The following ARHGEF37 variants were observed in gnomAD, a reference collection of about 807,000 sequenced individuals.
The protein encoded by ARHGEF37 is Rho guanine nucleotide exchange factor (GEF) 37.
Under a neutral mutation model 71.1 loss-of-function variants are expected in ARHGEF37, and 55 were observed. The observed-to-expected ratio is 0.77, with a 90% CI of 0.62 to 0.97. The LOEUF is 0.97. Ranked by LOEUF, ARHGEF37 falls within the 50% of genes least tolerant of loss-of-function variation. The probability of loss-of-function intolerance (pLI) is 0.00; values close to 1 mark genes in which losing one functional copy is unlikely to be tolerated. For missense variants in ARHGEF37, 765 were observed against 836.8 expected, an observed-to-expected ratio of 0.91 and a Z score of 1.06; for synonymous variants, 327 against 350.6, an observed-to-expected ratio of 0.93 and a Z score of 0.75.
chr5:149,569,094 A>G (rs1420716052), intron 1 of ARHGEF37, among the ~76,000 whole-genome samples: 1 of 151,846 alleles, frequency 6.6e-6, no homozygotes, highest in African/African-American at 2.4e-5. Context: ...TTTTTTTTGT[A>G]AAGTAGTACT....
chr5:149,581,260 T>C (rs942251048), upstream of ARHGEF37, among the ~76,000 whole-genome samples: 1 of 152,152 alleles, frequency 6.6e-6, no homozygotes, highest in African/African-American at 2.4e-5. Context: ...GGTGGCTTAA[T>C]GAGAGGCCGC....
At position 149,616,765 on chromosome 5, in the gene ARHGEF37, G is replaced by A. The variant is rs57292511; in HGVS notation, c.657G>A (p.Val219=). ...NINEYKMRKE[V]ASKYTKVEQL... Reference sequence around the variant, plus strand: ...ATGAGTACAAGATGCGCAAGGAAGTGGGTAAGGACTTGGGCATTTAAGGGG... The same window carrying A: ...ATGAGTACAAGATGCGCAAGGAAGTAGGTAAGGACTTGGGCATTTAAGGGG... Residue 219 remains valine, a splice_region_variant and synonymous_variant, in exon 5 of 13, where the codon GTG becomes GTA. Transcript: ENST00000333677. 0.013 allele frequency: 20,391 copies of A among 1,594,714 alleles called. 1,405 individuals carry two copies. The East Asian group carries it at 0.23, about 18-fold the overall frequency.
chr5:149,564,850 C>T (rs183084596), intron 1 of ARHGEF37, among the ~76,000 whole-genome samples: 2 of 152,276 alleles, frequency 1.3e-5, no homozygotes, highest in East Asian at 3.9e-4. Flanking sequence ...CCCAGACATC[C>T]TCTTAGTAGA....
intron 1 of ARHGEF37, among the ~76,000 whole-genome samples, chr5:149,564,264 G>A (rs554341714): frequency 2.3e-4 from 35 of 151,982 alleles, no homozygotes; most frequent in East Asian, 5.8e-4. Context: ...TTAGTCTTAC[G>A]TATGTTATCT....
rs1580946424 is a variant in ARHGEF37, at chr5:149,633,366, C to A, written c.*1175C>A. ...AAACCTTGTTCATCAGTATAGCTTTCTTTCCTGTAACCCAGGATCTACCTT... is the reference window on the plus strand; with the variant it reads ...AAACCTTGTTCATCAGTATAGCTTTATTTCCTGTAACCCAGGATCTACCTT... On this transcript the variant is annotated 3_prime_UTR_variant, in exon 13 of 13. Transcript: ENST00000333677. 6.6e-6 allele frequency: 1 copy of A among 152,286 alleles called. No homozygotes were observed. Among genetic ancestry groups the A allele is most frequent in the Non-Finnish European group, 1.5e-5 (1 of 68,056 alleles). 9.4% of individuals were successfully genotyped at this position (152,286 alleles called of 1,614,324 possible).
At chr5:149,578,351 T>C (rs1392312516), upstream of ARHGEF37, among the ~76,000 whole-genome samples, 1 of 152,202 alleles carries the variant, frequency 6.6e-6, no homozygotes, top group Non-Finnish European at 1.5e-5. Context: ...AATTTGCAAC[T>C]GGTCTAGGAG....
At chr5:149,618,794 C>G (rs1752450924) in intron 6 of ARHGEF37, 144 bp from the exon 7 acceptor site, 1 of 701,614 alleles carries the variant, frequency 1.4e-6, no homozygotes, top group African/African-American at 1.8e-5. Context: ...TGAGCTACAC[C>G]ACCCTCTCAG....
intron 1 of ARHGEF37, among the ~76,000 whole-genome samples, chr5:149,572,872 T>C (rs1282212379): frequency 6.6e-6 from 1 of 152,172 alleles, no homozygotes; most frequent in African/African-American, 2.4e-5. Context: ...TTACCAAGTG[T>C]CTTAGTCCAT....
chr5:149,563,946 ATTTTTTTT>A (rs570750342), intron 1 of ARHGEF37, among the ~76,000 whole-genome samples: 1 of 124,862 alleles, frequency 8.0e-6, no homozygotes, highest in Non-Finnish European at 1.7e-5. Context: ...ATTAGTTTAA[ATTTTTTTT>A]TTTTTTTTTT....
At chr5:149,605,850 G>A (rs1196936483) in intron 3 of ARHGEF37, among the ~76,000 whole-genome samples, 1 of 152,152 alleles carries the variant, frequency 6.6e-6, no homozygotes, top group African/African-American at 2.4e-5. Flanking sequence ...TTTGAACCCA[G>A]CTCTTCTAGA....
At chr5:149,584,605 T>A (rs1277879598) in intron 1 of ARHGEF37, among the ~76,000 whole-genome samples, 1 of 152,136 alleles carries the variant, frequency 6.6e-6, no homozygotes, top group East Asian at 1.9e-4. Context: ...ATGTTTCTTT[T>A]CTTTTTCTTT....
At chr5:149,572,491 A>T (rs1266261240) in intron 1 of ARHGEF37, among the ~76,000 whole-genome samples, 1 of 152,138 alleles carries the variant, frequency 6.6e-6, no homozygotes, top group African/African-American at 2.4e-5. Flanking sequence ...TGAACTTGTT[A>T]TTGTCTTTAT....
At chr5:149,584,249 C>T (rs923886532) in intron 1 of ARHGEF37, among the ~76,000 whole-genome samples, 5 of 152,110 alleles carry the variant, frequency 3.3e-5, no homozygotes, top group African/African-American at 4.8e-5. Flanking sequence ...TTTAGGCCTT[C>T]CAAATAGAAC....
Position 149,597,690 on chromosome 5 carries a change from T to C in ARHGEF37, c.-11-69T>C, listed in dbSNP as rs1283794584. On this transcript the variant is annotated intron_variant, in intron 1 of 12. Coordinates refer to ENST00000333677, the MANE Select transcript of ARHGEF37 (RefSeq NM_001001669.3). ...TAGGCCTCTTGATGAGTAATTGTCA[T>C]TGAATTAGAGACAGCATGTCCCAAT... 3 of 1,387,104 alleles carry C rather than the reference T, an allele frequency of 2.2e-6. No individual in the cohort carries two copies. In the East Asian group the frequency reaches 7.7e-5, roughly 36 times the overall value. The allele number at this position is 1,387,104 out of a possible 1,614,324, so 85.9% of individuals were successfully genotyped here.
intron 1 of ARHGEF37, among the ~76,000 whole-genome samples, chr5:149,584,107 C>T (rs377198508): frequency 9.9e-5 from 15 of 152,262 alleles, no homozygotes; most frequent in Admixed American, 5.9e-4. Flanking sequence ...TTCCCTAATA[C>T]TGGAAGGCTC....
chr5:149,597,752 T>C lies in ARHGEF37; in HGVS notation c.-11-7T>C. 6.6e-7 allele frequency: 1 copy of C among 1,521,108 alleles called. No homozygotes were observed. Among genetic ancestry groups the C allele is most frequent in the Non-Finnish European group, 8.8e-7 (1 of 1,137,984 alleles). 94.2% of individuals were successfully genotyped at this position (1,521,108 alleles called of 1,614,324 possible). On this transcript the variant is annotated splice_polypyrimidine_tract_variant and splice_region_variant and intron_variant, in intron 1 of 12. Coordinates refer to ENST00000333677, the MANE Select transcript of ARHGEF37 (RefSeq NM_001001669.3). ...GAAGTGAGTGGGGATGCTTTTGCTT[T>C]TCCCAGAACCTGCTGACATGGCCAA...
At chr5:149,629,063 T>A in intron 12 of ARHGEF37, 97 bp downstream of exon 12, 2 of 1,393,542 alleles carry the variant, frequency 1.4e-6, no homozygotes, top group Non-Finnish European at 9.6e-7. Context: ...CCCTCCTGTC[T>A]GGTGGGGCTG....
At chr5:149,628,704 T>G in intron 11 of ARHGEF37, 105 bp from the exon 12 acceptor site, 1 of 1,400,840 alleles carries the variant, frequency 7.1e-7, no homozygotes, top group Non-Finnish European at 9.6e-7. Flanking sequence ...TTCTCTTGGG[T>G]GTTGAGAAGC....
chr5:149,629,514 G>A (rs1265871218), intron 12 of ARHGEF37, among the ~76,000 whole-genome samples: 1 of 152,200 alleles, frequency 6.6e-6, no homozygotes, highest in Non-Finnish European at 1.5e-5. Flanking sequence ...TAAAGAGGGT[G>A]TACTGGGGTG....
Sources: gnomAD v4.1 joint callset for allele counts (sites outside exome capture counted in the v4.1 genomes callset) on GRCh38, gnomAD v4.1.1 for gene constraint, MANE v1.5 for transcripts, NCBI Gene and HGNC (gene_info 2026-07-23, HGNC 2026-07-21) for gene names.